SATL1: variants seen among roughly 807,000 people sequenced by gnomAD.
SATL1 encodes spermidine/spermine N(1)-acetyltransferase-like protein 1.
SATL1 carries 47 observed loss-of-function variants against 51.8 expected under a neutral mutation model. The observed-to-expected ratio is 0.91, with a 90% CI of 0.72 to 1.16. The LOEUF (loss-of-function observed/expected upper bound fraction) is 1.16. SATL1 is among the 50% of genes most tolerant of loss of function. The pLI is 0.00. For missense variants in SATL1, 520 were observed against 526.4 expected (o/e 0.99, Z 0.12); for synonymous variants, 176 against 182.4 (o/e 0.97, Z 0.28).
chrX:85,169,153 A>G (rs1837131687), intron 2 of SATL1, among the ~76,000 whole-genome samples: 1 of 112,453 alleles, frequency 8.9e-6, no homozygotes, highest in Admixed American at 9.4e-5. Context: ...TGTAAAACCC[A>G]AAAGTATAAA....
At chrX:85,152,644 A>G (rs927031354) in intron 2 of SATL1, among the ~76,000 whole-genome samples, 6 of 111,968 alleles carry the variant, frequency 5.4e-5, no homozygotes, top group Non-Finnish European at 9.4e-5. Flanking sequence ...GCCATAAAAA[A>G]TGATGAGTTC....
At position 85,108,742 on chromosome X, in the gene SATL1, T is replaced by A; in HGVS notation, c.227A>T (p.Gln76Leu). The change falls in exon 3 of 8, where the codon CAA (glutamine) becomes CTA (leucine). Residue 76 changes from glutamine (Q) to leucine (L), a missense_variant. By Grantham distance (113) the Gln-to-Leu change is moderately radical. Transcript: ENST00000644105. ...CCTACCTAATTGCCATGTGTCTGGT[T>A]GTTTCATGTCGGGTTGGTTTATGTC... ...LPDINQPDMK[Q>L]PDTWQLGRSQ... 1 of 1,208,812 alleles carries A rather than the reference T, an allele frequency of 8.3e-7. No homozygotes were observed.
chrX:85,188,607 C>G (rs1225058551), intron 2 of SATL1, among the ~76,000 whole-genome samples: 3 of 110,714 alleles, frequency 2.7e-5, no homozygotes, highest in Non-Finnish European at 5.7e-5. Context: ...GATTGCACCA[C>G]TGCACTCCAG....
chrX:85,137,834 C>T (rs780317694), intron 2 of SATL1, among the ~76,000 whole-genome samples: 1 of 111,143 alleles, frequency 9.0e-6, no homozygotes, highest in Non-Finnish European at 1.9e-5. Flanking sequence ...CTTAGGTATT[C>T]TACTTTTTTA....
At chrX:85,094,612 G>T (rs975008839) in intron 5 of SATL1, among the ~76,000 whole-genome samples, 1 of 111,151 alleles carries the variant, frequency 9.0e-6, no homozygotes, top group Non-Finnish European at 1.9e-5. Flanking sequence ...TGGACATAGT[G>T]GCACATGTCT....
intron 2 of SATL1, among the ~76,000 whole-genome samples, chrX:85,117,965 A>C (rs924689660): frequency 1.8e-5 from 2 of 109,861 alleles, no homozygotes; most frequent in Admixed American, 2.0e-4. Flanking sequence ...GGGACAAAAG[A>C]CTTTTTTTGT....
intron 2 of SATL1, among the ~76,000 whole-genome samples, chrX:85,152,417 C>T (rs1926472664): frequency 9.0e-6 from 1 of 111,703 alleles, no homozygotes. Flanking sequence ...GGCGATTCCT[C>T]AGGGATCTAG....
intron 2 of SATL1, among the ~76,000 whole-genome samples, chrX:85,201,588 T>C (rs967701644): frequency 1.2e-4 from 13 of 111,187 alleles, no homozygotes; most frequent in African/African-American, 4.3e-4. Context: ...TACCCAAGAG[T>C]TATTTTTTCT....
chrX:85,164,929 G>C (rs1926799244), intron 2 of SATL1, among the ~76,000 whole-genome samples: 1 of 110,061 alleles, frequency 9.1e-6, no homozygotes, highest in African/African-American at 3.3e-5. Flanking sequence ...TCTCCATGTT[G>C]GTCAGGCTGG....
chrX:85,227,749 C>T (rs555766918), intron 1 of SATL1, among the ~76,000 whole-genome samples: 1 of 111,618 alleles, frequency 9.0e-6, no homozygotes, highest in South Asian at 3.7e-4. Context: ...ATAAGAGACA[C>T]ATCAATCAAT....
chrX:85,231,895 T>C (rs1252699864), intron 1 of SATL1, among the ~76,000 whole-genome samples: 2 of 110,435 alleles, frequency 1.8e-5, no homozygotes, highest in African/African-American at 6.6e-5. Context: ...ACTCCTGCTG[T>C]GCTGGGCTCA....
chrX:85,129,596 G>A (rs1925722658), intron 2 of SATL1, among the ~76,000 whole-genome samples: 1 of 111,301 alleles, frequency 9.0e-6, no homozygotes, highest in African/African-American at 3.3e-5. Flanking sequence ...CTGCAAACAG[G>A]GACAATTTGA....
rs187826686 is a variant in SATL1 at position 85,233,945 on chromosome X, G to C, written c.-434-9619C>G. 2.9e-3 allele frequency among the ~76,000 whole-genome samples: 317 copies of C among 111,067 alleles called. 1 individual carries two copies. The highest frequency in any genetic ancestry group is 1.0e-2 in the African/African-American group (305 of 30,584). ...GATGGCAATATTCAAGTACGAGGAG[G>C]TTATAAAACACCAAGCAAATGTAAC... On this transcript the variant is annotated intron_variant, in intron 1 of 7. Transcript: ENST00000644105.
intron 2 of SATL1, among the ~76,000 whole-genome samples, chrX:85,147,012 C>T (rs144393586): frequency 1.8e-5 from 2 of 112,570 alleles, no homozygotes; most frequent in Admixed American, 1.9e-4. Flanking sequence ...CAAAGCAGAG[C>T]GAGGCATTGC....
At chrX:85,185,380 C>T (rs963271291) in intron 2 of SATL1, among the ~76,000 whole-genome samples, 10 of 112,513 alleles carry the variant, frequency 8.9e-5, no homozygotes, top group African/African-American at 2.3e-4. Context: ...TAGCAGGTGG[C>T]GAAGCCAGCC....
At position 85,176,580 on chromosome X, in the gene SATL1, C is replaced by G. The variant is rs190298780; in HGVS notation, c.-313+47625G>C. Among the ~76,000 whole-genome samples the G allele has an allele frequency of 2.7e-5, 3 of 111,532 alleles. No homozygotes were observed. The East Asian group carries it at 8.5e-4, about 32-fold the overall frequency. ...GATCTGAATAGCTCTCCAAGATATG[C>G]TAAGTGAACAAAACAATGCACAAGA... On this transcript the variant is annotated intron_variant, in intron 2 of 7. Transcript: ENST00000644105.
At chrX:85,106,938 A>G (rs1023647793) in intron 3 of SATL1, among the ~76,000 whole-genome samples, 3 of 111,530 alleles carry the variant, frequency 2.7e-5, no homozygotes, top group African/African-American at 9.8e-5. Flanking sequence ...ATGAAATTCT[A>G]TCATCGGTGG....
At chrX:85,231,828 A>T (rs1352392400) in intron 1 of SATL1, among the ~76,000 whole-genome samples, 1 of 111,270 alleles carries the variant, frequency 9.0e-6, no homozygotes, top group East Asian at 2.9e-4. Context: ...TGCTCTGGGG[A>T]TCTAAATAAA....
At chrX:85,145,899 C>T (rs867792585) in intron 2 of SATL1, among the ~76,000 whole-genome samples, 4 of 96,670 alleles carry the variant, frequency 4.1e-5, no homozygotes, top group East Asian at 3.3e-4. Flanking sequence ...ACAGTATATT[C>T]TTTTTTTTTT....
Sources: allele counts gnomAD v4.1 joint callset (sites outside exome capture counted in the v4.1 genomes callset), GRCh38; gene constraint gnomAD v4.1.1; transcripts MANE v1.5; gene names NCBI Gene and HGNC (gene_info 2026-07-23, HGNC 2026-07-21).